Variants in PPP2R2B observed in about 807,000 individuals in gnomAD.
PPP2R2B encodes the protein serine/threonine-protein phosphatase 2A 55 kDa regulatory subunit B beta isoform.
Under a neutral mutation model 46.0 loss-of-function variants are expected in PPP2R2B, and 5 were observed. The observed-to-expected ratio is 0.11, with a 90% CI of 0.06 to 0.23. The LOEUF (loss-of-function observed/expected upper bound fraction) is 0.23, where lower values mean the gene tolerates loss of function less well. Among genes scored for constraint, PPP2R2B ranks in the 10% least tolerant of loss-of-function variants. The pLI, the probability that PPP2R2B is intolerant of heterozygous loss-of-function variation, is 1.00. For missense variants in PPP2R2B, 367 were observed against 575.0 expected, an observed-to-expected ratio of 0.64 and a Z score of 3.70; for synonymous variants, 215 against 206.7, an observed-to-expected ratio of 1.04 and a Z score of -0.34.
intron 1 of PPP2R2B, among the ~76,000 whole-genome samples, chr5:147,023,090 C>T (rs1755361758): frequency 6.6e-6 from 1 of 151,750 alleles, no homozygotes. Flanking sequence ...TGTATTATGC[C>T]ATATGTACAT....
chr5:147,035,191 C>A, intron 1 of PPP2R2B: 1 of 446,750 alleles, frequency 2.2e-6, no homozygotes, highest in South Asian at 1.6e-5. Context: ...CTGGGGAGGT[C>A]TCAGGAAACT....
chr5:146,981,683 G>A lies in PPP2R2B; in HGVS notation c.79+73982C>T, dbSNP rs143819611. Among the ~76,000 whole-genome samples the A allele has an allele frequency of 2.0e-5, 3 of 152,206 alleles. No individual in the cohort carries two copies. The East Asian group carries it at 5.8e-4, about 29-fold the overall frequency. The stretch of plus-strand genomic sequence containing the variant: ...TATTGACATTGATACAATAAAGACA[G>A]AGAACATTTCCATCCCCACAAGGAT... On this transcript the variant is annotated intron_variant, in intron 1 of 8. Coordinates refer to the PPP2R2B transcript ENST00000336640.
intron 2 of PPP2R2B, among the ~76,000 whole-genome samples, chr5:146,854,077 G>A (rs572137994): frequency 2.0e-5 from 3 of 152,034 alleles, no homozygotes; most frequent in Middle Eastern, 6.8e-3. Context: ...CCCCAGCACC[G>A]AGTACAGCAC....
intron 2 of PPP2R2B, among the ~76,000 whole-genome samples, chr5:146,769,994 T>C (rs1294947987): frequency 1.3e-5 from 2 of 152,090 alleles, no homozygotes; most frequent in Non-Finnish European, 2.9e-5. Flanking sequence ...CAGCATTATT[T>C]ATACTAGCAA....
chr5:146,910,685 C>T (rs1582406863), intron 1 of PPP2R2B, among the ~76,000 whole-genome samples: 1 of 152,186 alleles, frequency 6.6e-6, no homozygotes, highest in South Asian at 2.1e-4. Flanking sequence ...CATGATGTTA[C>T]TGTTAATAAT....
At chr5:146,722,180 A>G (rs1263001618) in intron 2 of PPP2R2B, among the ~76,000 whole-genome samples, 3 of 152,198 alleles carry the variant, frequency 2.0e-5, no homozygotes, top group Non-Finnish European at 4.4e-5. Flanking sequence ...ACCTCCAGAT[A>G]CTATTTACTG....
intron 2 of PPP2R2B, among the ~76,000 whole-genome samples, chr5:146,803,167 T>C (rs1244512687): frequency 1.3e-5 from 2 of 152,330 alleles, no homozygotes; most frequent in East Asian, 3.9e-4. Flanking sequence ...ACAGCTACTA[T>C]TATTTAGCTG....
chr5:146,886,375 A>AAATAAATAAATAATGAAG, intron 1 of PPP2R2B, among the ~76,000 whole-genome samples: 1 of 149,890 alleles, frequency 6.7e-6, no homozygotes, highest in Non-Finnish European at 1.5e-5. Flanking sequence ...AAATAATAAA[A>AAATAAATAAATAATGAAG]CTAAAATAAA....
At chr5:146,792,354 G>A (rs1756253793) in intron 2 of PPP2R2B, among the ~76,000 whole-genome samples, 1 of 152,168 alleles carries the variant, frequency 6.6e-6, no homozygotes, top group South Asian at 2.1e-4. Context: ...ACTATCTTCT[G>A]AGTCAATGCC....
intron 2 of PPP2R2B, among the ~76,000 whole-genome samples, chr5:146,812,999 C>G (rs982203251): frequency 1.3e-5 from 2 of 149,312 alleles, no homozygotes; most frequent in African/African-American, 4.9e-5. Context: ...GGTGGGGACA[C>G]AGCCAAACCA....
rs1415957813 is a variant in PPP2R2B at position 146,643,083 on chromosome 5, C to G, written c.626-4668G>C. On this transcript the variant is annotated intron_variant, in intron 6 of 9. Coordinates refer to ENST00000394411, the MANE Select transcript of PPP2R2B (RefSeq NM_181675.4). ...AAAAACAAAACAAAAACTTAGGATA[C>G]TTTCCATACTTATGATGTGTACTAT... 2.0e-5 allele frequency among the ~76,000 whole-genome samples: 3 copies of G among 152,150 alleles called. No individual in the cohort carries two copies. In the East Asian group the frequency reaches 5.8e-4, roughly 29 times the overall value.
chr5:146,766,825 G>A (rs930578868), intron 2 of PPP2R2B, among the ~76,000 whole-genome samples: 12 of 151,940 alleles, frequency 7.9e-5, no homozygotes, highest in African/African-American at 1.5e-4. Flanking sequence ...AGGCCAAGGC[G>A]GGAGAATCAC....
intron 1 of PPP2R2B, among the ~76,000 whole-genome samples, chr5:147,038,716 A>T (rs1335414958): frequency 1.3e-5 from 2 of 152,166 alleles, no homozygotes; most frequent in African/African-American, 4.8e-5. Flanking sequence ...GTGCAATAGG[A>T]TTATTATTAT....
intron 2 of PPP2R2B, among the ~76,000 whole-genome samples, chr5:146,827,999 AAGAGAG>A (rs35087951): frequency 0.027 from 4,045 of 148,634 alleles, 60 homozygotes; most frequent in Non-Finnish European, 0.034. Context: ...GGCCTAGTTG[AAGAGAG>A]AGAGAGAGAG....
At chr5:146,638,739 G>C (rs1412017684) in intron 6 of PPP2R2B, among the ~76,000 whole-genome samples, 1 of 152,100 alleles carries the variant, frequency 6.6e-6, no homozygotes, top group African/African-American at 2.4e-5. Context: ...AATGTACCAA[G>C]TTGCAAAGAT....
chr5:146,880,374 A>G (rs1296874369), upstream of PPP2R2B, among the ~76,000 whole-genome samples: 1 of 152,150 alleles, frequency 6.6e-6, no homozygotes, highest in Non-Finnish European at 1.5e-5. Flanking sequence ...ACTTCAGTAC[A>G]AGTTGTCGTG....
rs1770230992 is a variant in PPP2R2B at position 146,587,625 on chromosome 5, ATCT to A, written c.*2319_*2321del. 6.6e-6 allele frequency: 1 copy of A among 152,188 alleles called. No homozygotes were observed. The highest frequency in any genetic ancestry group is 2.4e-5 in the African/African-American group (1 of 41,452). 9.4% of individuals were successfully genotyped at this position (152,188 alleles called of 1,614,324 possible). On this transcript the variant is annotated 3_prime_UTR_variant, in exon 10 of 10. Transcript: ENST00000394411. ...ATCTTTGATGCCCCTAAGGGCATAA[ATCT>A]TCTGTCATATCAGTTACTCAGGGTC...
chr5:147,032,813 A>C (rs1446806623), intron 1 of PPP2R2B, among the ~76,000 whole-genome samples: 1 of 152,232 alleles, frequency 6.6e-6, no homozygotes, highest in Non-Finnish European at 1.5e-5. Flanking sequence ...GTGCTGCTAT[A>C]AACGTGCGTG....
intron 1 of PPP2R2B, among the ~76,000 whole-genome samples, chr5:146,903,910 T>C (rs1166219329): frequency 6.6e-6 from 1 of 152,216 alleles, no homozygotes; most frequent in Non-Finnish European, 1.5e-5. Flanking sequence ...TGGCACACAG[T>C]ACCAAATGGT....
Sources: gnomAD v4.1 joint callset for allele counts (sites outside exome capture counted in the v4.1 genomes callset) on GRCh38, gnomAD v4.1.1 for gene constraint, MANE v1.5 for transcripts, NCBI Gene and HGNC (gene_info 2026-07-23, HGNC 2026-07-21) for gene names.